Variants in CHIC1 observed in about 807,000 individuals in gnomAD.
CHIC1 encodes cysteine rich hydrophobic domain 1.
CHIC1 carries 7 observed loss-of-function variants against 18.5 expected under a neutral mutation model. The ratio of observed to expected loss-of-function variants is 0.38; its 90% CI spans 0.22 to 0.71. The LOEUF is 0.71. CHIC1 is among the 30% of genes least tolerant of loss of function. The pLI is 0.49. For missense variants in CHIC1, 159 were observed against 176.9 expected, an observed-to-expected ratio of 0.90 and a Z score of 0.57; for synonymous variants, 77 against 73.5, an observed-to-expected ratio of 1.05 and a Z score of -0.25.
chrX:73,656,295 T>C (rs1385145352), intron 3 of CHIC1, among the ~76,000 whole-genome samples: 1 of 112,002 alleles, frequency 8.9e-6, no homozygotes, highest in Non-Finnish European at 1.9e-5. Context: ...GCAGAAGCTC[T>C]TTAGTTTAAC....
At chrX:73,604,112 CAGCTG>C (rs1231364020) in intron 3 of CHIC1, among the ~76,000 whole-genome samples, 1 of 106,568 alleles carries the variant, frequency 9.4e-6, no homozygotes, top group Non-Finnish European at 1.9e-5. Context: ...TGGTAGAATT[CAGCTG>C]TGAATCCATC....
At chrX:73,679,838 T>A in intron 5 of CHIC1, 125 bp downstream of exon 5, 1 of 357,771 alleles carries the variant, frequency 2.8e-6, no homozygotes. Context: ...CATTGAAATA[T>A]AGAGGTTTTC....
chrX:73,570,911 G>T (rs1454218913), intron 1 of CHIC1, among the ~76,000 whole-genome samples: 2 of 111,085 alleles, frequency 1.8e-5, no homozygotes, highest in African/African-American at 3.3e-5. Context: ...AAAGTTCTGA[G>T]AAGACATTGA....
intron 3 of CHIC1, among the ~76,000 whole-genome samples, chrX:73,626,977 G>T (rs1984084863): frequency 9.1e-6 from 1 of 110,245 alleles, no homozygotes; most frequent in Non-Finnish European, 1.9e-5. Context: ...GGGCTTGGGT[G>T]TTGTGATCTA....
At chrX:73,581,365 T>C (rs1444123825) in intron 2 of CHIC1, among the ~76,000 whole-genome samples, 2 of 111,156 alleles carry the variant, frequency 1.8e-5, no homozygotes, top group African/African-American at 6.5e-5. Context: ...GAAATGTTTC[T>C]TTACAACCTA....
intron 3 of CHIC1, among the ~76,000 whole-genome samples, chrX:73,677,554 TCTC>T (rs2058073397): frequency 1.8e-5 from 2 of 112,070 alleles, no homozygotes; most frequent in African/African-American, 6.5e-5. Context: ...CAGGATATAA[TCTC>T]CTGGTGTGCT....
chrX:73,567,804 T>C (rs2057452013), intron 1 of CHIC1, among the ~76,000 whole-genome samples: 1 of 109,723 alleles, frequency 9.1e-6, no homozygotes, highest in African/African-American at 3.3e-5. Context: ...GCATGCTGTT[T>C]TTTTTTTTAA....
intron 3 of CHIC1, among the ~76,000 whole-genome samples, chrX:73,622,068 C>G (rs1269978160): frequency 2.7e-5 from 3 of 111,923 alleles, no homozygotes; most frequent in African/African-American, 9.7e-5. Context: ...GGTGGATAAG[C>G]TTTTTGATTT....
intron 3 of CHIC1, among the ~76,000 whole-genome samples, chrX:73,615,739 G>A (rs1301159285): frequency 1.8e-5 from 2 of 111,400 alleles, no homozygotes; most frequent in South Asian, 7.8e-4. Context: ...GCTTGGTTTG[G>A]TACACAGCGG....
At chrX:73,658,971 C>T (rs1210495213) in intron 3 of CHIC1, among the ~76,000 whole-genome samples, 1 of 111,814 alleles carries the variant, frequency 8.9e-6, no homozygotes, top group African/African-American at 3.2e-5. Context: ...GACCAGGCCA[C>T]CCACAGACAC....
chrX:73,650,729 C>T (rs1049636210), intron 3 of CHIC1, among the ~76,000 whole-genome samples: 7 of 100,895 alleles, frequency 6.9e-5, no homozygotes, highest in Admixed American at 2.1e-4. Flanking sequence ...AGCCCAGAAG[C>T]AGACAGATTC....
Position 73,620,182 on chromosome X carries a change from T to G in CHIC1, c.507+35610T>G, listed in dbSNP as rs369681206. On this transcript the variant is annotated intron_variant, in intron 3 of 5. Transcript: ENST00000373502. ...AATAAACATACACGTGCATGTGTCT[T>G]TAGAGTAGAATGATTTATAATTCTT... Among the ~76,000 whole-genome samples the G allele has an allele frequency of 2.7e-5, 3 of 112,169 alleles. No homozygotes were observed. The East Asian group carries it at 8.4e-4, about 31-fold the overall frequency.
chrX:73,672,685 G>T (rs1483369180), intron 3 of CHIC1, among the ~76,000 whole-genome samples: 2 of 111,901 alleles, frequency 1.8e-5, no homozygotes, highest in African/African-American at 6.5e-5. Context: ...AGATGAGTAG[G>T]TTGCAAAAAT....
At chrX:73,605,257 CTTCT>C (rs1398271051) in intron 3 of CHIC1, among the ~76,000 whole-genome samples, 1 of 108,185 alleles carries the variant, frequency 9.2e-6, no homozygotes. Context: ...TTGTAATGCC[CTTCT>C]TTGTCTTTTT....
intron 3 of CHIC1, among the ~76,000 whole-genome samples, chrX:73,663,111 A>G (rs1334375573): frequency 8.9e-6 from 1 of 111,858 alleles, no homozygotes; most frequent in Non-Finnish European, 1.9e-5. Flanking sequence ...TTGAGGAATC[A>G]CCATGGGGGA....
At chrX:73,671,490 C>A (rs768058084) in intron 3 of CHIC1, among the ~76,000 whole-genome samples, 1 of 111,370 alleles carries the variant, frequency 9.0e-6, no homozygotes. Flanking sequence ...TTTTTCCTGC[C>A]TAGGTTATTT....
Position 73,577,527 on chromosome X carries a change from T to G in CHIC1, c.351+66T>G, listed in dbSNP as rs141801100. On this transcript the variant is annotated intron_variant, in intron 2 of 5. Transcript: ENST00000373502. ...TTGTTTTATGGCTTACTCATTGTTA[T>G]GACAAATGCTTTGAATCATTGTTAA... 8.6e-4 allele frequency: 711 copies of G among 825,215 alleles called. 2 individuals carry two copies. In the African/African-American group the frequency reaches 0.013, roughly 15 times the overall value. The allele number at this position is 825,215 out of a possible 1,213,427, so 68.0% of individuals were successfully genotyped here.
chrX:73,587,476 C>CT (rs927627577), intron 3 of CHIC1, among the ~76,000 whole-genome samples: 3 of 111,319 alleles, frequency 2.7e-5, no homozygotes, highest in African/African-American at 9.8e-5. Context: ...TTATCCTTTC[C>CT]TTTTTTGCTT....
intron 3 of CHIC1, among the ~76,000 whole-genome samples, chrX:73,667,202 G>C (rs756581749): frequency 9.0e-6 from 1 of 111,392 alleles, no homozygotes; most frequent in East Asian, 2.8e-4. Context: ...CATTTGCTTG[G>C]TAAATTTTCT....
Sources: allele counts gnomAD v4.1 joint callset (sites outside exome capture counted in the v4.1 genomes callset), GRCh38; gene constraint gnomAD v4.1.1; transcripts MANE v1.5; gene names NCBI Gene and HGNC (gene_info 2026-07-23, HGNC 2026-07-21).